The following IL12RB1 variants were observed in gnomAD, a reference collection of about 807,000 sequenced individuals.
The protein encoded by IL12RB1 is interleukin-12 receptor subunit beta-1.
IL12RB1 carries 64 observed loss-of-function variants against 94.4 expected under a neutral mutation model. The ratio of observed to expected loss-of-function variants is 0.68; its 90% CI spans 0.55 to 0.83. The LOEUF (loss-of-function observed/expected upper bound fraction) is 0.83, where lower values mean the gene tolerates loss of function less well. Among genes scored for constraint, IL12RB1 ranks in the 40% least tolerant of loss-of-function variants. The pLI is 0.00. For missense variants in IL12RB1, 814 were observed against 855.6 expected (o/e 0.95, Z 0.61); for synonymous variants, 362 against 355.5 (o/e 1.02, Z -0.21).
chr19:18,066,630 G>A lies in IL12RB1; in HGVS notation c.1395C>T (p.Asp465=). The A allele has an allele frequency of 6.2e-7, 1 of 1,612,462 alleles. No homozygotes were observed. The highest frequency in any genetic ancestry group is 8.5e-7 in the Non-Finnish European group (1 of 1,178,726). ...AGGTGCTCAGCAGGGATGGTGCCCA[G>A]TCCACAGACACAGAGTCCAAGCTAT... ...KNHSLDSVSV[D]WAPSLLSTCP... is the part of the protein sequence containing the mutation. The change falls in exon 12 of 17, where the codon GAC becomes GAT. Residue 465 remains aspartate, a synonymous_variant. Coordinates refer to ENST00000593993, the MANE Select transcript of IL12RB1 (RefSeq NM_005535.3).
chr19:18,097,635 A>C (rs970746683), intron 1 of IL12RB1, among the ~76,000 whole-genome samples: 2 of 147,432 alleles, frequency 1.4e-5, no homozygotes, highest in African/African-American at 5.0e-5. Flanking sequence ...GGGCGGGGCC[A>C]GCTCGCCCAG....
chr19:18,065,743 C>T lies in IL12RB1; in HGVS notation c.1483+799G>A, dbSNP rs1030610340. ...CTGAGGCAAGAGAATTGCCTGAACC[C>T]GGGAGGCAGAGGTTGCAGTGAGCTG... On this transcript the variant is annotated intron_variant, in intron 12 of 16. Transcript: ENST00000593993. Among the ~76,000 whole-genome samples, 4 of 151,916 alleles carry T rather than the reference C, an allele frequency of 2.6e-5. No individual in the cohort carries two copies. The East Asian group carries it at 5.8e-4, about 22-fold the overall frequency.
intron 1 of IL12RB1, chr19:18,097,783 C>G (rs889504210): frequency 8.2e-7 from 1 of 1,217,674 alleles, no homozygotes; most frequent in South Asian, 4.1e-5. Context: ...GCGGCGCGGA[C>G]TCCCGGGCCA....
Position 18,063,909 on chromosome 19 carries a change from C to G in IL12RB1, c.1585G>C (p.Gly529Arg). 2 of 1,613,474 alleles carry G rather than the reference C, an allele frequency of 1.2e-6. No individual in the cohort carries two copies. The highest frequency in any genetic ancestry group is 1.7e-6 in the Non-Finnish European group (2 of 1,179,712). ...QVRADTAWLR[G>R]VWSQPQRFSI... ...AAGCGCTGGGGCTGGCTCCAGACAC[C>G]CCTCAGCCACGCTGTGTCTGCTCGC... Residue 529 changes from glycine (G) to arginine (R), a missense_variant, in exon 13 of 17, where the codon GGT becomes CGT. By Grantham distance (125) the Gly-to-Arg change is moderately radical. Transcript: ENST00000593993.
upstream of IL12RB1, chr19:18,091,591 C>A (rs780929049): frequency 6.6e-6 from 1 of 152,196 alleles, no homozygotes; most frequent in Admixed American, 6.5e-5. Context: ...CAGGAGACAA[C>A]CCATTTGTTA....
Position 18,069,838 on chromosome 19 carries a change from G to A in IL12RB1, c.1022-125C>T, listed in dbSNP as rs949973234. 17 of 707,282 alleles carry A rather than the reference G, an allele frequency of 2.4e-5. No homozygotes were observed. In the Admixed American group the frequency reaches 2.7e-4, roughly 11 times the overall value. The allele number at this position is 707,282 out of a possible 1,614,324, so 43.8% of individuals were successfully genotyped here. A position where few individuals can be genotyped will look rare whatever the true frequency, so the allele number is the denominator to read the frequency against. On this transcript the variant is annotated intron_variant, in intron 9 of 16. Transcript: ENST00000593993. ...CCCCTGACCCTACAGGGCCAGGGGT[G>A]TCTGTGTTTGGCTGTTTCCCTGCAC...
chr19:18,091,212 C>T (rs2036609200), upstream of IL12RB1, among the ~76,000 whole-genome samples: 2 of 152,222 alleles, frequency 1.3e-5, no homozygotes, highest in Admixed American at 1.3e-4. Flanking sequence ...TCCCACCTTC[C>T]CCTTGCCACA....
chr19:18,072,065 C>T (rs143515969), intron 9 of IL12RB1, 47 bp downstream of exon 9: 870 of 1,295,350 alleles, frequency 6.7e-4, no homozygotes, highest in Non-Finnish European at 9.4e-4. Context: ...AGTAGGTGCT[C>T]AGCTCTGAGG....
At chr19:18,092,010 G>A (rs1054953957) in intron 1 of IL12RB1, among the ~76,000 whole-genome samples, 1 of 151,234 alleles carries the variant, frequency 6.6e-6, no homozygotes, top group Admixed American at 6.6e-5. Flanking sequence ...CTGAGTAGCT[G>A]GGATTACAGA....
rs745474746 is a variant in IL12RB1, at chr19:18,086,795, G to T, written c.29C>A (p.Pro10His). 3.1e-5 allele frequency: 50 copies of T among 1,611,956 alleles called. No individual in the cohort carries two copies. The Admixed American group carries it at 8.4e-4, about 27-fold the overall frequency. Residue 10 changes from proline to histidine, a missense_variant, in exon 1 of 17, where the codon CCC becomes CAC. Physicochemically the swap from Pro to His is moderately conservative, Grantham distance 77. Transcript: ENST00000593993. MEPLVTWVV[P>H]LLFLFLLSRQ... ...GGACAGCAGGAAGAGGAAGAGGAGG[G>T]GGACCACCCAGGTCACCAGCGGCTC...
chr19:18,080,811 G>A (rs11673460), intron 4 of IL12RB1, 21 bp downstream of exon 4: 2 of 1,559,382 alleles, frequency 1.3e-6, no homozygotes, highest in Non-Finnish European at 1.8e-6. Flanking sequence ...AAAACGGACG[G>A]GGGGAGAACA....
rs533183383 is a variant in IL12RB1 at position 18,066,194 on chromosome 19, G to A, written c.1483+348C>T. Reference sequence around the variant, plus strand: ...ACAATCTCGGCTCACTGCAATCTCCGCCTCCTGGGTTCAAGCGATTCTCCT... The same window carrying A: ...ACAATCTCGGCTCACTGCAATCTCCACCTCCTGGGTTCAAGCGATTCTCCT... On this transcript the variant is annotated intron_variant, in intron 12 of 16. Transcript: ENST00000593993. 2.6e-5 allele frequency among the ~76,000 whole-genome samples: 4 copies of A among 151,760 alleles called. No individual in the cohort carries two copies. In the South Asian group the frequency reaches 8.4e-4, roughly 32 times the overall value.
exon 1 of IL12RB1, chr19:18,098,902 G>A: frequency 4.9e-6 from 2 of 410,888 alleles, no homozygotes; most frequent in Non-Finnish European, 9.9e-6. Flanking sequence ...GGAGTGATCA[G>A]TTGTGATAAG....
intron 3 of IL12RB1, 48 bp from the exon 4 acceptor site, chr19:18,081,049 A>C (rs773201093): frequency 1.3e-6 from 2 of 1,555,942 alleles, no homozygotes; most frequent in South Asian, 2.2e-5. Flanking sequence ...GTCCTAGTGG[A>C]CCCCACAGCC....
upstream of IL12RB1, chr19:18,090,629 C>T (rs1354583808): frequency 6.6e-6 from 1 of 152,502 alleles, no homozygotes; most frequent in East Asian, 1.9e-4. Context: ...GGTTGGCCCT[C>T]TCAGGCCTCA....
chr19:18,071,950 C>T (rs1005601824), intron 9 of IL12RB1, among the ~76,000 whole-genome samples, 162 bp downstream of exon 9: 1 of 152,154 alleles, frequency 6.6e-6, no homozygotes, highest in African/African-American at 2.4e-5. Context: ...CAGGTGTGAG[C>T]CACCGTGCCT....
At chr19:18,083,540 G>A (rs770702572) in intron 1 of IL12RB1, 49 bp from the exon 2 acceptor site, 3 of 1,583,264 alleles carry the variant, frequency 1.9e-6, no homozygotes, top group East Asian at 2.2e-5. Flanking sequence ...TGCACTGTGT[G>A]GGGAGAAGGG....
At chr19:18,067,628 C>G (rs567920492) in intron 11 of IL12RB1, among the ~76,000 whole-genome samples, 2 of 152,222 alleles carry the variant, frequency 1.3e-5, no homozygotes, top group South Asian at 4.2e-4. Context: ...ATGCTAAAAC[C>G]CTGTCTCTAC....
At chr19:18,096,864 G>A (rs2036980598) in intron 1 of IL12RB1, among the ~76,000 whole-genome samples, 1 of 150,848 alleles carries the variant, frequency 6.6e-6, no homozygotes. Context: ...TGGTGTTTTG[G>A]CCATATGCGG....
Sources: gnomAD v4.1 joint callset for allele counts (sites outside exome capture counted in the v4.1 genomes callset) on GRCh38, gnomAD v4.1.1 for gene constraint, MANE v1.5 for transcripts, NCBI Gene and HGNC (gene_info 2026-07-23, HGNC 2026-07-21) for gene names.